Variants in HMGCLL1 observed in about 807,000 individuals in gnomAD.
HMGCLL1 encodes 3-hydroxy-3-methylglutaryl-CoA lyase like 1.
HMGCLL1 carries 36 observed loss-of-function variants against 39.1 expected under a neutral mutation model. The observed-to-expected ratio is 0.92, with a 90% CI of 0.71 to 1.22. The LOEUF is 1.22. Ranked by LOEUF, HMGCLL1 falls within the 50% of genes most tolerant of loss-of-function variation. The pLI is 0.00. For missense variants in HMGCLL1, 451 were observed against 416.5 expected, an observed-to-expected ratio of 1.08 and a Z score of -0.72; for synonymous variants, 149 against 144.0, an observed-to-expected ratio of 1.03 and a Z score of -0.25.
chr6:55,440,189 C>T (rs889909525), intron 7 of HMGCLL1, among the ~76,000 whole-genome samples: 4 of 152,132 alleles, frequency 2.6e-5, no homozygotes, highest in Non-Finnish European at 5.9e-5. Context: ...ATTGGTTCCT[C>T]ACTAAGTGCT....
the HMGCLL1 span, among the ~76,000 whole-genome samples, chr6:55,610,915 A>T: frequency 6.6e-6 from 1 of 152,154 alleles, no homozygotes; most frequent in Non-Finnish European, 1.5e-5. Flanking sequence ...TTCAACCCAG[A>T]ATTTCATATC....
chr6:55,607,106 G>A, the HMGCLL1 span, among the ~76,000 whole-genome samples: 193 of 152,186 alleles, frequency 1.3e-3, 2 homozygotes, highest in East Asian at 0.036. Context: ...ATACTATGCA[G>A]GTGCATGAGA....
the HMGCLL1 span, among the ~76,000 whole-genome samples, chr6:55,658,370 A>G: frequency 6.6e-6 from 1 of 151,934 alleles, no homozygotes; most frequent in Non-Finnish European, 1.5e-5. Flanking sequence ...ATCATCTCTG[A>G]TCCTAAATTG....
At chr6:55,596,710 T>C in the HMGCLL1 span, among the ~76,000 whole-genome samples, 10 of 152,324 alleles carry the variant, frequency 6.6e-5, no homozygotes, top group East Asian at 1.7e-3. Context: ...ATGCATTAAG[T>C]ATAAATTACG....
At chr6:55,654,456 T>C in the HMGCLL1 span, among the ~76,000 whole-genome samples, 8 of 152,054 alleles carry the variant, frequency 5.3e-5, no homozygotes, top group Middle Eastern at 3.4e-3. Flanking sequence ...ACAGAATAAG[T>C]TGCTTATGAG....
At chr6:55,626,414 T>C in the HMGCLL1 span, among the ~76,000 whole-genome samples, 1 of 152,086 alleles carries the variant, frequency 6.6e-6, no homozygotes, top group South Asian at 2.1e-4. Context: ...CCCGTTATCC[T>C]GAAGTAGCTG....
At chr6:55,477,392 TAA>T in intron 7 of HMGCLL1, among the ~76,000 whole-genome samples, 1 of 40,800 alleles carries the variant, frequency 2.5e-5, no homozygotes, top group Non-Finnish European at 4.0e-5. Context: ...TATCTAAATA[TAA>T]TATATATTAT....
chr6:55,480,817 C>A (rs1478162195), intron 7 of HMGCLL1, among the ~76,000 whole-genome samples: 3 of 148,120 alleles, frequency 2.0e-5, no homozygotes, highest in South Asian at 2.1e-4. Flanking sequence ...AGAATGAGAT[C>A]CCGTTATTTG....
intron 1 of HMGCLL1, among the ~76,000 whole-genome samples, chr6:55,573,088 A>G (rs1771598387): frequency 6.6e-6 from 1 of 152,316 alleles, no homozygotes; most frequent in East Asian, 1.9e-4. Flanking sequence ...TAAACATTTT[A>G]GGTTTTAGTT....
chr6:55,481,045 G>T (rs1765718929), intron 7 of HMGCLL1, among the ~76,000 whole-genome samples: 1 of 151,958 alleles, frequency 6.6e-6, no homozygotes. Context: ...GAATGAATAA[G>T]ATCTAGTATT....
chr6:55,555,369 C>G (rs1377737806), intron 1 of HMGCLL1, among the ~76,000 whole-genome samples: 1 of 152,158 alleles, frequency 6.6e-6, no homozygotes, highest in African/African-American at 2.4e-5. Flanking sequence ...GATCCCACAA[C>G]AAAAAGGAAA....
chr6:55,604,034 T>A, the HMGCLL1 span, among the ~76,000 whole-genome samples: 1 of 152,102 alleles, frequency 6.6e-6, no homozygotes, highest in Non-Finnish European at 1.5e-5. Flanking sequence ...GTCTGGAGAG[T>A]CTGGTGGGGA....
chr6:55,636,618 T>A, the HMGCLL1 span, among the ~76,000 whole-genome samples: 1 of 152,158 alleles, frequency 6.6e-6, no homozygotes, highest in Non-Finnish European at 1.5e-5. Flanking sequence ...TGGGCATGTG[T>A]TAAACTAACA....
At chr6:55,650,471 T>A in the HMGCLL1 span, among the ~76,000 whole-genome samples, 11 of 151,160 alleles carry the variant, frequency 7.3e-5, no homozygotes, top group South Asian at 2.1e-4. Context: ...ATATATGGAG[T>A]CCCTCTCTCT....
At chr6:55,594,382 T>A in the HMGCLL1 span, among the ~76,000 whole-genome samples, 1 of 152,164 alleles carries the variant, frequency 6.6e-6, no homozygotes, top group Non-Finnish European at 1.5e-5. Flanking sequence ...CCTGAATTTA[T>A]CATTTTTAAC....
At chr6:55,538,347 G>A (rs1390664256) in intron 3 of HMGCLL1, among the ~76,000 whole-genome samples, 1 of 152,050 alleles carries the variant, frequency 6.6e-6, no homozygotes, top group East Asian at 1.9e-4. Context: ...TAATTCTAAA[G>A]TTATATCAGC....
chr6:55,442,856 C>G (rs2127382717), intron 7 of HMGCLL1, among the ~76,000 whole-genome samples: 1 of 152,236 alleles, frequency 6.6e-6, no homozygotes, highest in South Asian at 2.1e-4. Context: ...TTGTTCAGTA[C>G]TTGGAAAAGA....
At chr6:55,632,057 T>A in the HMGCLL1 span, among the ~76,000 whole-genome samples, 1 of 152,248 alleles carries the variant, frequency 6.6e-6, no homozygotes, top group Middle Eastern at 3.4e-3. Flanking sequence ...GTTTTTAAAA[T>A]TTTTAAGTGA....
At chr6:55,628,271 G>A in the HMGCLL1 span, among the ~76,000 whole-genome samples, 1 of 125,992 alleles carries the variant, frequency 7.9e-6, no homozygotes, top group African/African-American at 3.0e-5. Context: ...TTCTCTTTCA[G>A]CACTTTATTG....
Sources: allele counts gnomAD v4.1 joint callset (sites outside exome capture counted in the v4.1 genomes callset), GRCh38; gene constraint gnomAD v4.1.1; transcripts MANE v1.5; gene names NCBI Gene and HGNC (gene_info 2026-07-23, HGNC 2026-07-21).